FRMPD1: variants seen among roughly 807,000 people sequenced by gnomAD.
The protein encoded by FRMPD1 is FERM and PDZ domain containing 1.
FRMPD1 carries 76 observed loss-of-function variants against 117.8 expected under a neutral mutation model. The observed-to-expected ratio is 0.65, with a 90% CI of 0.54 to 0.78. FRMPD1 has a LOEUF of 0.78. FRMPD1 is among the 30% of genes least tolerant of loss of function. FRMPD1 has a pLI of 0.00. For synonymous variants in FRMPD1, 783 were observed against 770.4 expected (o/e 1.02, Z -0.27); for missense variants, 1,786 against 1,964.5 (o/e 0.91, Z 1.72).
chr9:37,620,322 A>G, the FRMPD1 span, among the ~76,000 whole-genome samples: 4 of 152,194 alleles, frequency 2.6e-5, no homozygotes, highest in African/African-American at 9.7e-5. Context: ...CAGTTTCGCC[A>G]CTGACAAGGC....
chr9:37,624,995 C>G, the FRMPD1 span, among the ~76,000 whole-genome samples: 1 of 152,142 alleles, frequency 6.6e-6, no homozygotes, highest in East Asian at 1.9e-4. Context: ...AAAATGAAGA[C>G]CACTCAGGGT....
In FRMPD1 at chr9:37,725,499, A is replaced by G. The variant is rs140699449; in HGVS notation, c.612+1179A>G. On this transcript the variant is annotated intron_variant, in intron 7 of 15. Transcript: ENST00000377765. The stretch of plus-strand genomic sequence containing the variant: ...AATGTACATACACCTGTACGCACAC[A>G]TCCAGTGCTTCTCTCTGGCACCTTC... 2.9e-3 allele frequency among the ~76,000 whole-genome samples: 442 copies of G among 152,320 alleles called. 6 individuals are homozygous for G. The highest frequency in any genetic ancestry group is 0.017 in the South Asian group (81 of 4,828).
the FRMPD1 span, among the ~76,000 whole-genome samples, chr9:37,642,392 A>G: frequency 1.3e-5 from 2 of 151,784 alleles, no homozygotes; most frequent in African/African-American, 4.9e-5. Context: ...CTCCCCTTCA[A>G]TAGCTGACTT....
chr9:37,665,904 G>A (rs1821145085), intron 1 of FRMPD1, among the ~76,000 whole-genome samples: 1 of 152,156 alleles, frequency 6.6e-6, no homozygotes, highest in Non-Finnish European at 1.5e-5. Flanking sequence ...TTATTTAGGG[G>A]TCAATCTGGC....
chr9:37,676,825 G>A (rs1001414334), intron 1 of FRMPD1, among the ~76,000 whole-genome samples: 5 of 152,102 alleles, frequency 3.3e-5, no homozygotes, highest in Admixed American at 6.5e-5. Flanking sequence ...ACTCCCTATA[G>A]CATTTTAGAC....
chr9:37,717,390 T>A (rs1395707885), intron 5 of FRMPD1, among the ~76,000 whole-genome samples: 2 of 147,608 alleles, frequency 1.4e-5, no homozygotes, highest in African/African-American at 4.9e-5. Context: ...TATTTTTTTT[T>A]TTTTTTTGAG....
chr9:37,649,197 T>C (rs764644940), upstream of FRMPD1, among the ~76,000 whole-genome samples: 11 of 152,264 alleles, frequency 7.2e-5, no homozygotes, highest in Non-Finnish European at 1.5e-4. Context: ...TTAACTGCCT[T>C]GGAGAGAGTA....
chr9:37,708,599 A>C, intron 4 of FRMPD1, 98 bp downstream of exon 4: 1 of 755,474 alleles, frequency 1.3e-6, no homozygotes, highest in Non-Finnish European at 2.3e-6. Flanking sequence ...GATTTTAATA[A>C]GGCTAAGTCT....
At chr9:37,649,752 C>T (rs1362691273), upstream of FRMPD1, among the ~76,000 whole-genome samples, 1 of 152,200 alleles carries the variant, frequency 6.6e-6, no homozygotes, top group Non-Finnish European at 1.5e-5. Flanking sequence ...ACTCAGAACT[C>T]CTCCCATGAA....
At chr9:37,651,614 AG>A (rs1334883792) in intron 1 of FRMPD1, among the ~76,000 whole-genome samples, 1 of 152,232 alleles carries the variant, frequency 6.6e-6, no homozygotes, top group Non-Finnish European at 1.5e-5. Context: ...GTCAGTCTCC[AG>A]GGTCGCGTCG....
chr9:37,614,632 T>C, the FRMPD1 span, among the ~76,000 whole-genome samples: 7 of 152,334 alleles, frequency 4.6e-5, no homozygotes, highest in Middle Eastern at 3.4e-3. Flanking sequence ...GGAAGTCTAA[T>C]TTGTCAGCAG....
Position 37,745,791 on chromosome 9 carries a change from G to A in FRMPD1, c.3759G>A (p.Glu1253=). The change falls in exon 16 of 16, where the codon GAG becomes GAA. Residue 1253 remains glutamate (E), a synonymous_variant. Coordinates refer to ENST00000377765, the MANE Select transcript of FRMPD1 (RefSeq NM_014907.3). Reference sequence around the variant, plus strand: ...CTGAGTGGGTCTGTTTTAATCCTGAGCCTTCCCTGCCAGAACCACTACCAT... The same window carrying A: ...CTGAGTGGGTCTGTTTTAATCCTGAACCTTCCCTGCCAGAACCACTACCAT... ...DSPEWVCFNP[E]PSLPEPLPCP... 6.2e-7 allele frequency: 1 copy of A among 1,614,114 alleles called. No individual in the cohort carries two copies. Among genetic ancestry groups the A allele is most frequent in the South Asian group, 1.1e-5 (1 of 91,086 alleles).
intron 4 of FRMPD1, 49 bp downstream of exon 4, chr9:37,708,550 A>T: frequency 9.1e-7 from 1 of 1,096,548 alleles, no homozygotes; most frequent in South Asian, 1.3e-5. Context: ...ATTATCAAAG[A>T]ACAAAGATGG....
chr9:37,649,836 G>T (rs938592983), upstream of FRMPD1, among the ~76,000 whole-genome samples: 7 of 152,170 alleles, frequency 4.6e-5, no homozygotes, highest in African/African-American at 1.7e-4. Context: ...CCTGCTTTAT[G>T]TCTCAACTCC....
chr9:37,745,258 T>G lies in FRMPD1; in HGVS notation c.3226T>G (p.Leu1076Val). ...ETAPKYTEPL[L>V]SPRDEPRSDE... ...TGCCCCCAAATACACAGAGCCTTTG[T>G]TGTCTCCTAGAGATGAGCCTAGAAG... Residue 1076 changes from leucine to valine, a missense_variant, in exon 16 of 16, where the codon TTG (leucine) becomes GTG (valine). By Grantham distance (32) the Leu-to-Val change is conservative. Coordinates refer to ENST00000377765, the MANE Select transcript of FRMPD1 (RefSeq NM_014907.3). The G allele has an allele frequency of 6.2e-7, 1 of 1,612,892 alleles. No individual in the cohort carries two copies. Among genetic ancestry groups the G allele is most frequent in the South Asian group, 1.1e-5 (1 of 91,062 alleles).
In FRMPD1 at chr9:37,675,992, G is replaced by A. The variant is rs573214204; in HGVS notation, c.-4-16646G>A. On this transcript the variant is annotated intron_variant, in intron 1 of 15. Transcript: ENST00000377765. ...AATCCTTAAAAGAGGTATCATTGCT[G>A]CACAAACAGTAACAATGGGAATTAA... Among the ~76,000 whole-genome samples the A allele has an allele frequency of 1.1e-4, 16 of 152,318 alleles. No individual in the cohort carries two copies. The South Asian group carries it at 3.3e-3, about 32-fold the overall frequency.
intron 1 of FRMPD1, among the ~76,000 whole-genome samples, chr9:37,665,580 C>T (rs1016479379): frequency 6.6e-5 from 10 of 152,038 alleles, no homozygotes; most frequent in Admixed American, 6.6e-5. Flanking sequence ...TTTTCCACTC[C>T]ATTTGTAATT....
At chr9:37,671,190 C>T (rs1406567504) in intron 1 of FRMPD1, among the ~76,000 whole-genome samples, 3 of 152,212 alleles carry the variant, frequency 2.0e-5, no homozygotes, top group East Asian at 1.9e-4. Context: ...CCTACTCAGC[C>T]TCCAGAGCTG....
chr9:37,729,947 G>T, intron 8 of FRMPD1, 94 bp downstream of exon 8: 2 of 1,341,464 alleles, frequency 1.5e-6, no homozygotes, highest in Non-Finnish European at 1.0e-6. Context: ...CAGCACATCT[G>T]CAGGTTTGAT....
Sources: allele counts gnomAD v4.1 joint callset (sites outside exome capture counted in the v4.1 genomes callset), GRCh38; gene constraint gnomAD v4.1.1; transcripts MANE v1.5; gene names NCBI Gene and HGNC (gene_info 2026-07-23, HGNC 2026-07-21).